CPEB3: variants seen among roughly 807,000 people sequenced by gnomAD.
CPEB3 encodes cytoplasmic polyadenylation element binding protein 3.
Under a neutral mutation model 67.2 loss-of-function variants are expected in CPEB3, and 20 were observed. That is an observed-to-expected ratio of 0.30 (90% CI 0.21 to 0.43). The LOEUF (loss-of-function observed/expected upper bound fraction) is 0.43, where lower values mean the gene tolerates loss of function less well. Among genes scored for constraint, CPEB3 ranks in the 20% least tolerant of loss-of-function variants. The pLI is 1.00. For synonymous variants in CPEB3, 376 were observed against 393.1 expected, an observed-to-expected ratio of 0.96 and a Z score of 0.51; for missense variants, 746 against 968.6, an observed-to-expected ratio of 0.77 and a Z score of 3.05.
At chr10:92,150,997 T>C (rs1846942096) in intron 4 of CPEB3, among the ~76,000 whole-genome samples, 1 of 152,180 alleles carries the variant, frequency 6.6e-6, no homozygotes, top group Non-Finnish European at 1.5e-5. Flanking sequence ...TCAATTACTA[T>C]CTATAATTAG....
chr10:92,124,108 T>C (rs1212331409), intron 6 of CPEB3, among the ~76,000 whole-genome samples: 1 of 152,186 alleles, frequency 6.6e-6, no homozygotes, highest in African/African-American at 2.4e-5. Context: ...CAATAAAAGT[T>C]CTCATCAGGA....
chr10:92,257,385 C>T (rs1188350165), intron 1 of CPEB3, among the ~76,000 whole-genome samples: 2 of 152,182 alleles, frequency 1.3e-5, no homozygotes, highest in African/African-American at 4.8e-5. Context: ...GCCTCAACCT[C>T]GCAGGCTCAA....
At chr10:92,191,171 G>C (rs983063906) in intron 3 of CPEB3, among the ~76,000 whole-genome samples, 2 of 152,128 alleles carry the variant, frequency 1.3e-5, no homozygotes, top group East Asian at 1.9e-4. Flanking sequence ...GGAGGCCGAG[G>C]TGGGCAGATC....
chr10:92,081,672 C>T (rs1445259185), intron 8 of CPEB3, among the ~76,000 whole-genome samples, 171 bp from the exon 9 acceptor site: 1 of 152,172 alleles, frequency 6.6e-6, no homozygotes, highest in African/African-American at 2.4e-5. Context: ...AGGGAAGGTC[C>T]TCACTGGGTG....
chr10:92,208,510 G>A (rs920874185), intron 2 of CPEB3, among the ~76,000 whole-genome samples: 1 of 152,024 alleles, frequency 6.6e-6, no homozygotes, highest in African/African-American at 2.4e-5. Flanking sequence ...TGTCCTTTGA[G>A]GAATCTCTTC....
intron 8 of CPEB3, among the ~76,000 whole-genome samples, chr10:92,091,195 T>C (rs1329652800): frequency 6.6e-6 from 1 of 152,180 alleles, no homozygotes. Flanking sequence ...ACTTTCACAG[T>C]GGCAACAGTA....
intron 7 of CPEB3, among the ~76,000 whole-genome samples, chr10:92,092,892 A>T (rs1205367208): frequency 6.6e-6 from 1 of 152,206 alleles, no homozygotes; most frequent in African/African-American, 2.4e-5. Context: ...TAAAAGCAGA[A>T]AAAGAAATCT....
At chr10:92,218,790 G>A (rs1029440209) in intron 2 of CPEB3, among the ~76,000 whole-genome samples, 12 of 151,508 alleles carry the variant, frequency 7.9e-5, no homozygotes, top group Non-Finnish European at 1.6e-4. Context: ...TGACCTCACA[G>A]CAGTTCCACT....
At chr10:92,203,230 C>T (rs1849600681) in intron 2 of CPEB3, among the ~76,000 whole-genome samples, 1 of 151,158 alleles carries the variant, frequency 6.6e-6, no homozygotes, top group Non-Finnish European at 1.5e-5. Context: ...CGTGAGCCAC[C>T]GCGCCCAGCC....
intron 6 of CPEB3, among the ~76,000 whole-genome samples, chr10:92,142,224 G>A (rs1190738878): frequency 6.6e-6 from 1 of 152,060 alleles, no homozygotes; most frequent in Non-Finnish European, 1.5e-5. Flanking sequence ...GCACAGGAAG[G>A]ACAAGTATTT....
At chr10:92,154,929 A>G (rs1399933299) in intron 4 of CPEB3, among the ~76,000 whole-genome samples, 2 of 152,224 alleles carry the variant, frequency 1.3e-5, no homozygotes, top group Non-Finnish European at 2.9e-5. Context: ...AAATTTACCA[A>G]CATGGCCAGA....
intron 2 of CPEB3, among the ~76,000 whole-genome samples, chr10:92,218,708 A>G (rs1185765271): frequency 6.6e-6 from 1 of 152,212 alleles, no homozygotes; most frequent in Non-Finnish European, 1.5e-5. Context: ...TGAAACCTAT[A>G]GAGTAAGAAC....
intron 1 of CPEB3, among the ~76,000 whole-genome samples, chr10:92,289,732 A>AAAAAAATATATATATAT: frequency 1.3e-5 from 1 of 75,770 alleles, no homozygotes; most frequent in Non-Finnish European, 2.6e-5. Context: ...AAAAAAAAAA[A>AAAAAAATATATATATAT]ATATATATAT....
rs182776538 is a variant in CPEB3 at position 92,282,505 on chromosome 10, T to C, written c.-12+8421A>G. 2.2e-3 allele frequency among the ~76,000 whole-genome samples: 341 copies of C among 151,938 alleles called. 1 individual carries two copies. The highest frequency in any genetic ancestry group is 7.1e-3 in the African/African-American group (296 of 41,426). On this transcript the variant is annotated intron_variant, in intron 1 of 9. Transcript: ENST00000265997. Reference sequence around the variant, plus strand: ...GAGTTTGAGACCAGCCTGACCAACATGGTAAAACCCCATCTCTACTAAAAA... The same window carrying C: ...GAGTTTGAGACCAGCCTGACCAACACGGTAAAACCCCATCTCTACTAAAAA...
At chr10:92,177,227 T>C (rs1008087466) in intron 4 of CPEB3, among the ~76,000 whole-genome samples, 2 of 152,188 alleles carry the variant, frequency 1.3e-5, no homozygotes, top group Admixed American at 6.5e-5. Flanking sequence ...AGTGTTTTTG[T>C]TTAAAAGTAA....
chr10:92,056,298 G>C (rs1363919243), intron 9 of CPEB3, among the ~76,000 whole-genome samples: 3 of 152,126 alleles, frequency 2.0e-5, no homozygotes, highest in African/African-American at 4.8e-5. Flanking sequence ...AGTATTTCTG[G>C]ACTGAAATCA....
intron 9 of CPEB3, among the ~76,000 whole-genome samples, chr10:92,062,933 G>A (rs188397418): frequency 2.6e-4 from 39 of 152,308 alleles, no homozygotes; most frequent in African/African-American, 8.7e-4. Flanking sequence ...CCTATGGAGA[G>A]ACATTTAGAT....
chr10:92,118,476 C>T (rs994485904), intron 6 of CPEB3, among the ~76,000 whole-genome samples: 1 of 152,076 alleles, frequency 6.6e-6, no homozygotes, highest in African/African-American at 2.4e-5. Flanking sequence ...GTGCTTTAGT[C>T]CTATAATTTA....
At chr10:92,057,129 C>T (rs1310847545) in intron 9 of CPEB3, among the ~76,000 whole-genome samples, 2 of 152,132 alleles carry the variant, frequency 1.3e-5, no homozygotes, top group African/African-American at 2.4e-5. Context: ...ACCAGTACGG[C>T]CACAGTTGGG....
Sources: allele counts gnomAD v4.1 joint callset (sites outside exome capture counted in the v4.1 genomes callset), GRCh38; gene constraint gnomAD v4.1.1; transcripts MANE v1.5; gene names NCBI Gene and HGNC (gene_info 2026-07-23, HGNC 2026-07-21).